The following MBOAT1 variants were observed in gnomAD, a reference collection of about 807,000 sequenced individuals.
MBOAT1 encodes membrane bound glycerophospholipid O-acyltransferase 1.
In MBOAT1, 67 loss-of-function variants were observed where a neutral mutation model predicts 64.4. The ratio of observed to expected loss-of-function variants is 1.04; its 90% CI spans 0.85 to 1.27. The LOEUF (loss-of-function observed/expected upper bound fraction) is 1.27, where lower values mean the gene tolerates loss of function less well. Ranked by LOEUF, MBOAT1 falls within the 50% of genes most tolerant of loss-of-function variation. The pLI, the probability that MBOAT1 is intolerant of heterozygous loss-of-function variation, is 0.00. For missense variants in MBOAT1, 563 were observed against 604.6 expected (o/e 0.93, Z 0.72); for synonymous variants, 229 against 218.9 (o/e 1.05, Z -0.41).
chr6:20,123,740 T>C (rs189002865), intron 8 of MBOAT1, among the ~76,000 whole-genome samples: 44 of 152,112 alleles, frequency 2.9e-4, no homozygotes, highest in Admixed American at 1.1e-3. Flanking sequence ...CTATATTACA[T>C]AAAACCCAGA....
At chr6:20,136,316 C>A (rs1486067816) in intron 4 of MBOAT1, among the ~76,000 whole-genome samples, 2 of 152,172 alleles carry the variant, frequency 1.3e-5, no homozygotes, top group Non-Finnish European at 2.9e-5. Context: ...AATTTAACTT[C>A]TATATTTTGG....
At chr6:20,152,845 T>G in intron 1 of MBOAT1, 76 bp from the exon 2 acceptor site, 1 of 1,509,854 alleles carries the variant, frequency 6.6e-7, no homozygotes, top group Non-Finnish European at 8.9e-7. Context: ...TGTTTTGTTT[T>G]GTTTTGAGAC....
intron 1 of MBOAT1, among the ~76,000 whole-genome samples, chr6:20,200,401 G>T (rs1167054175): frequency 6.6e-6 from 1 of 152,140 alleles, no homozygotes; most frequent in Non-Finnish European, 1.5e-5. Context: ...CTGCACTAAG[G>T]TTGAAGGTCT....
At chr6:20,110,111 A>G (rs893445453) in intron 11 of MBOAT1, among the ~76,000 whole-genome samples, 9 of 151,112 alleles carry the variant, frequency 6.0e-5, no homozygotes, top group South Asian at 2.1e-4. Context: ...GGGTTTCGCC[A>G]TGTTGGCCAG....
At chr6:20,190,943 G>C (rs942478916) in intron 1 of MBOAT1, among the ~76,000 whole-genome samples, 4 of 152,194 alleles carry the variant, frequency 2.6e-5, no homozygotes, top group Non-Finnish European at 5.9e-5. Flanking sequence ...TCTACTTTAT[G>C]ATGAGTTGAA....
At chr6:20,199,748 T>A (rs1361926134) in intron 1 of MBOAT1, among the ~76,000 whole-genome samples, 1 of 152,176 alleles carries the variant, frequency 6.6e-6, no homozygotes, top group Admixed American at 6.5e-5. Context: ...AATAGGCAGA[T>A]CACAAGGTCA....
intron 11 of MBOAT1, among the ~76,000 whole-genome samples, chr6:20,111,827 TATATATAC>T (rs1554115559): frequency 0.017 from 1,998 of 120,254 alleles, 73 homozygotes; most frequent in Non-Finnish European, 0.024. Context: ...TATATATACA[TATATATAC>T]ACATATATAT....
At chr6:20,131,108 C>A (rs777841461) in intron 5 of MBOAT1, 36 bp downstream of exon 5, 1 of 1,580,012 alleles carries the variant, frequency 6.3e-7, no homozygotes, top group Non-Finnish European at 8.7e-7. Flanking sequence ...ATGTCAGGCT[C>A]ACTCTGAGAA....
At chr6:20,123,185 C>T (rs1581404328) in intron 8 of MBOAT1, among the ~76,000 whole-genome samples, 1 of 151,852 alleles carries the variant, frequency 6.6e-6, no homozygotes, top group Non-Finnish European at 1.5e-5. Context: ...CAAACTTTAA[C>T]TGGAACTTAA....
chr6:20,120,811 C>T (rs1193658040), intron 8 of MBOAT1, among the ~76,000 whole-genome samples: 1 of 152,220 alleles, frequency 6.6e-6, no homozygotes, highest in Non-Finnish European at 1.5e-5. Flanking sequence ...CTCAGAACCA[C>T]ACTGAGCCGA....
At chr6:20,170,131 CT>C (rs1473228500) in intron 1 of MBOAT1, among the ~76,000 whole-genome samples, 3 of 152,178 alleles carry the variant, frequency 2.0e-5, no homozygotes, top group African/African-American at 7.2e-5. Context: ...TTATCCCCCC[CT>C]GCAATGATGA....
intron 1 of MBOAT1, among the ~76,000 whole-genome samples, chr6:20,180,307 A>G (rs1282861976): frequency 2.0e-5 from 3 of 152,030 alleles, no homozygotes; most frequent in Non-Finnish European, 4.4e-5. Context: ...TCTTTTCAAC[A>G]AACCCTGATA....
At chr6:20,164,883 C>T (rs1028030111) in intron 1 of MBOAT1, among the ~76,000 whole-genome samples, 2 of 152,150 alleles carry the variant, frequency 1.3e-5, no homozygotes, top group South Asian at 4.1e-4. Flanking sequence ...TTTTGTGTTT[C>T]ACTCTCAGTA....
At position 20,102,251 on chromosome 6, in the gene MBOAT1, C is replaced by T. The variant is rs773583493; in HGVS notation, c.*35G>A. 2 of 1,596,472 alleles carry T rather than the reference C, an allele frequency of 1.3e-6. No individual in the cohort carries two copies. Among genetic ancestry groups the T allele is most frequent in the African/African-American group, 1.3e-5 (1 of 74,150 alleles). ...CTTGTCATCTCATCTTTCGAACGTT[C>T]TGCAGTTTTGCTTGTTCCGCTTCTC... is the stretch of plus-strand genomic sequence containing the variant. On this transcript the variant is annotated 3_prime_UTR_variant, in exon 13 of 13. Coordinates refer to ENST00000324607, the MANE Select transcript of MBOAT1 (RefSeq NM_001080480.3).
At chr6:20,158,969 A>G (rs112776383) in intron 1 of MBOAT1, among the ~76,000 whole-genome samples, 7 of 152,314 alleles carry the variant, frequency 4.6e-5, no homozygotes, top group African/African-American at 1.7e-4. Flanking sequence ...CACTGTCAGG[A>G]GAAATGTAAA....
At chr6:20,168,740 A>AGGGG in intron 1 of MBOAT1, among the ~76,000 whole-genome samples, 1 of 73,988 alleles carries the variant, frequency 1.4e-5, no homozygotes, top group Admixed American at 1.6e-4. Flanking sequence ...AAAGGAAGGG[A>AGGGG]GGGAGGGAGG....
At chr6:20,188,474 G>C (rs1581456212) in intron 1 of MBOAT1, among the ~76,000 whole-genome samples, 1 of 152,124 alleles carries the variant, frequency 6.6e-6, no homozygotes, top group Admixed American at 6.5e-5. Context: ...TTTGTCTCAC[G>C]ACCAAGAGAA....
At chr6:20,186,530 G>A (rs1039119543) in intron 1 of MBOAT1, among the ~76,000 whole-genome samples, 7 of 152,216 alleles carry the variant, frequency 4.6e-5, no homozygotes, top group African/African-American at 1.7e-4. Context: ...CTTGTACCAC[G>A]TTGACTAGCA....
intron 1 of MBOAT1, among the ~76,000 whole-genome samples, chr6:20,174,830 T>A (rs1177561639): frequency 6.6e-6 from 1 of 152,222 alleles, no homozygotes; most frequent in African/African-American, 2.4e-5. Context: ...GATTGCAAAT[T>A]GTATCAGCTA....
Sources: gnomAD v4.1 joint callset for allele counts (sites outside exome capture counted in the v4.1 genomes callset) on GRCh38, gnomAD v4.1.1 for gene constraint, MANE v1.5 for transcripts, NCBI Gene and HGNC (gene_info 2026-07-23, HGNC 2026-07-21) for gene names.